Variants in IL1RAPL2 observed in about 807,000 individuals in gnomAD.
The protein encoded by IL1RAPL2 is interleukin 1 receptor accessory protein like 2, also known as X-linked interleukin-1 receptor accessory protein-like 2.
A neutral mutation model predicts 44.1 loss-of-function variants in IL1RAPL2; 3 were observed. That is an observed-to-expected ratio of 0.07 (90% CI 0.03 to 0.18). The LOEUF (loss-of-function observed/expected upper bound fraction) is 0.18, where lower values mean the gene tolerates loss of function less well. Among genes scored for constraint, IL1RAPL2 ranks in the 10% least tolerant of loss-of-function variants. IL1RAPL2 has a pLI of 1.00. For missense variants in IL1RAPL2, 391 were observed against 496.4 expected, an observed-to-expected ratio of 0.79 and a Z score of 2.02; for synonymous variants, 181 against 178.8, an observed-to-expected ratio of 1.01 and a Z score of -0.10.
intron 6 of IL1RAPL2, among the ~76,000 whole-genome samples, chrX:105,712,121 A>G (rs1251056337): frequency 8.9e-6 from 1 of 111,799 alleles, no homozygotes; most frequent in Non-Finnish European, 1.9e-5. Context: ...CAGCCACACT[A>G]GGCATTCCCC....
intron 9 of IL1RAPL2, among the ~76,000 whole-genome samples, chrX:105,751,920 C>T (rs912917589): frequency 8.9e-6 from 1 of 111,740 alleles, no homozygotes; most frequent in Non-Finnish European, 1.9e-5. Context: ...TTAATTTTAA[C>T]CATATGCTTT....
Position 105,108,480 on chromosome X carries a change from G to A in IL1RAPL2, c.83-86995G>A, listed in dbSNP as rs1436281931. ...TGAGTAGCTGGGACTACAGGCCTGT[G>A]CTACCATGCCCGGATTTTTTTTTTT... is the stretch of plus-strand genomic sequence containing the variant. On this transcript the variant is annotated intron_variant, in intron 2 of 10. Coordinates refer to ENST00000372582, the MANE Select transcript of IL1RAPL2 (RefSeq NM_017416.2). Among the ~76,000 whole-genome samples, 34 of 99,376 alleles carry A rather than the reference G, an allele frequency of 3.4e-4. 1 individual carries two copies. 86.3% of individuals were successfully genotyped at this position (99,376 alleles called of 115,157 possible). A position where few individuals can be genotyped will look rare whatever the true frequency, so the allele number is the denominator to read the frequency against.
intron 5 of IL1RAPL2, among the ~76,000 whole-genome samples, chrX:105,445,516 T>C (rs765949111): frequency 9.0e-6 from 1 of 111,412 alleles, no homozygotes; most frequent in African/African-American, 3.2e-5. Flanking sequence ...TTTCTTTTTT[T>C]GATGTAGGGA....
At chrX:105,486,734 A>ATCTATC (rs1556335856) in intron 6 of IL1RAPL2, among the ~76,000 whole-genome samples, 8 of 103,868 alleles carry the variant, frequency 7.7e-5, no homozygotes, top group African/African-American at 2.9e-4. Flanking sequence ...CTATATATCT[A>ATCTATC]TATCTATCTA....
At chrX:104,951,133 C>A (rs1443847387) in intron 2 of IL1RAPL2, among the ~76,000 whole-genome samples, 2 of 111,965 alleles carry the variant, frequency 1.8e-5, no homozygotes, top group Non-Finnish European at 3.8e-5. Flanking sequence ...AGAAATCACC[C>A]GTCTTCTGCG....
intron 5 of IL1RAPL2, among the ~76,000 whole-genome samples, chrX:105,373,379 G>A (rs1422632948): frequency 5.4e-5 from 6 of 110,856 alleles, no homozygotes; most frequent in Non-Finnish European, 1.1e-4. Flanking sequence ...TTTTTTTCTT[G>A]CAGATTTGTT....
intron 2 of IL1RAPL2, among the ~76,000 whole-genome samples, chrX:105,111,176 C>CA (rs775907532): frequency 4.5e-5 from 5 of 110,776 alleles, no homozygotes; most frequent in Non-Finnish European, 9.4e-5. Context: ...TAGAATGTAA[C>CA]AAAAATTGCA....
chrX:105,058,786 A>C (rs970423723), intron 2 of IL1RAPL2, among the ~76,000 whole-genome samples: 2 of 111,932 alleles, frequency 1.8e-5, no homozygotes, highest in African/African-American at 3.3e-5. Flanking sequence ...GAAGGAAAAA[A>C]ATTTTCTGTT....
chrX:104,788,102 C>T (rs1188869382), intron 2 of IL1RAPL2, among the ~76,000 whole-genome samples: 4 of 111,929 alleles, frequency 3.6e-5, no homozygotes, highest in African/African-American at 9.7e-5. Context: ...AAGAGTTTTA[C>T]ACAAGGATGG....
intron 2 of IL1RAPL2, among the ~76,000 whole-genome samples, chrX:104,912,967 A>T (rs1042267747): frequency 9.0e-6 from 1 of 111,570 alleles, no homozygotes; most frequent in African/African-American, 3.3e-5. Flanking sequence ...ATTACTAGAA[A>T]ATAGTTCTGA....
intron 5 of IL1RAPL2, among the ~76,000 whole-genome samples, chrX:105,411,705 A>G (rs776983924): frequency 8.9e-6 from 1 of 111,975 alleles, no homozygotes; most frequent in African/African-American, 3.2e-5. Flanking sequence ...GATAGACTGC[A>G]AAACAATAAT....
chrX:105,750,347 C>T (rs781366383), intron 9 of IL1RAPL2, among the ~76,000 whole-genome samples: 1 of 100,002 alleles, frequency 1.0e-5, no homozygotes, highest in East Asian at 3.1e-4. Context: ...AATCCTGGCT[C>T]ACTGCAGCCT....
intron 2 of IL1RAPL2, among the ~76,000 whole-genome samples, chrX:105,112,572 A>G (rs915437643): frequency 4.4e-5 from 5 of 112,816 alleles, no homozygotes; most frequent in African/African-American, 1.6e-4. Flanking sequence ...AAAGTGAATA[A>G]CAAATTGTAC....
At chrX:105,430,185 G>A (rs2035838104) in intron 5 of IL1RAPL2, among the ~76,000 whole-genome samples, 1 of 111,561 alleles carries the variant, frequency 9.0e-6, no homozygotes, top group Non-Finnish European at 1.9e-5. Context: ...ATAATATGGG[G>A]CAGGAAGATT....
chrX:105,516,954 G>C (rs763815310), intron 6 of IL1RAPL2, among the ~76,000 whole-genome samples: 10 of 111,837 alleles, frequency 8.9e-5, no homozygotes, highest in Non-Finnish European at 1.5e-4. Flanking sequence ...AGTGAAGGCA[G>C]AGATCAGATG....
chrX:105,155,763 A>G (rs1207213568), intron 2 of IL1RAPL2, among the ~76,000 whole-genome samples: 1 of 111,396 alleles, frequency 9.0e-6, no homozygotes, highest in East Asian at 2.8e-4. Flanking sequence ...TGTGCAAAGC[A>G]TTATGGAAGG....
At chrX:105,640,779 TATAGATATAGATATAG>T (rs1233709601) in intron 6 of IL1RAPL2, among the ~76,000 whole-genome samples, 11 of 97,457 alleles carry the variant, frequency 1.1e-4, no homozygotes, top group Non-Finnish European at 1.4e-4. Context: ...TAGATATAGA[TATAGATATAGATATAG>T]ATAGAGAGAG....
intron 2 of IL1RAPL2, among the ~76,000 whole-genome samples, chrX:105,152,319 G>A (rs1001260800): frequency 2.7e-5 from 3 of 111,658 alleles, no homozygotes; most frequent in African/African-American, 9.8e-5. Context: ...CTTTCTATTT[G>A]TAGTGCACTG....
intron 2 of IL1RAPL2, among the ~76,000 whole-genome samples, chrX:104,895,905 T>G (rs1325669343): frequency 1.8e-5 from 2 of 111,763 alleles, no homozygotes; most frequent in Non-Finnish European, 3.8e-5. Context: ...CTGGAGCTGT[T>G]CCTATTTGGC....
Sources: gnomAD v4.1 joint callset for allele counts (sites outside exome capture counted in the v4.1 genomes callset) on GRCh38, gnomAD v4.1.1 for gene constraint, MANE v1.5 for transcripts, NCBI Gene and HGNC (gene_info 2026-07-23, HGNC 2026-07-21) for gene names.